RBM42: variants seen among roughly 807,000 people sequenced by gnomAD.
The protein encoded by RBM42 is RNA binding motif protein 42.
RBM42 carries 21 observed loss-of-function variants against 41.4 expected under a neutral mutation model. The ratio of observed to expected loss-of-function variants is 0.51; its 90% CI spans 0.36 to 0.73. RBM42 has a LOEUF of 0.73. Ranked by LOEUF, RBM42 falls within the 30% of genes least tolerant of loss-of-function variation. The pLI is 0.00. For missense variants in RBM42, 539 were observed against 680.4 expected (o/e 0.79, Z 2.31); for synonymous variants, 272 against 271.2 (o/e 1.00, Z -0.03).
In RBM42 at chr19:35,629,606, T is replaced by A. The variant is rs777270224; in HGVS notation, c.215T>A (p.Val72Glu). 18 of 1,614,036 alleles carry A rather than the reference T, an allele frequency of 1.1e-5. No individual in the cohort carries two copies. The African/African-American group carries it at 2.4e-4, about 22-fold the overall frequency. The change falls in exon 2 of 10, where the codon GTA becomes GAA. Residue 72 changes from valine to glutamate, a missense_variant. Val to Glu is a moderately radical substitution (Grantham distance 121, BLOSUM62 -2). This residue lies in a region of RBM42 where 429 missense variants were observed against 488.9 expected (regional missense o/e 0.88). Coordinates refer to ENST00000262633, the MANE Select transcript of RBM42 (RefSeq NM_024321.5). ...CCCACTGTCCCCACGGTCCCCACAGTAGAAGCGATGCAGGTCCCAGCGGCT... is the reference window on the plus strand; with the variant it reads ...CCCACTGTCCCCACGGTCCCCACAGAAGAAGCGATGCAGGTCCCAGCGGCT... ...AVPTVPTVPT[V>E]EAMQVPAAPV... is the part of the protein sequence containing the mutation.
rs1967431510 is a variant in RBM42, at chr19:35,633,003, TGAGGGGCCAG to T, written c.508+4_508+13del. The T allele has an allele frequency of 6.2e-7, 1 of 1,609,672 alleles. No individual in the cohort carries two copies. Among genetic ancestry groups the T allele is most frequent in the African/African-American group, 1.3e-5 (1 of 74,642 alleles). ...TCCCCCACGTGCTACAGAGAGCAGG[TGAGGGGCCAG>T]GGTCATCATCCCTGCCACATAACTC... On this transcript the variant is annotated splice_donor_5th_base_variant and intron_variant, in intron 5 of 9. Transcript: ENST00000262633.
At position 35,629,104 on chromosome 19, in the gene RBM42, G is replaced by A. The variant is rs1239114691; in HGVS notation, c.-50G>A. The A allele has an allele frequency of 1.3e-6, 2 of 1,482,354 alleles. No homozygotes were observed. Among genetic ancestry groups the A allele is most frequent in the African/African-American group, 1.4e-5 (1 of 69,672 alleles). The allele number at this position is 1,482,354 out of a possible 1,614,324, so 91.8% of individuals were successfully genotyped here. ...GGGAGAGTAGACAGCAGAACCAGCG[G>A]CGGCGGCTAAGCAGAGACTGTAGTA... On this transcript the variant is annotated 5_prime_UTR_variant, in exon 1 of 10. Transcript: ENST00000262633.
rs943694183 is a variant in RBM42 at position 35,637,398 on chromosome 19, C to T, written c.1331-44C>T. Reference sequence around the variant, plus strand: ...GAACTGCAGGCGCGGCAGGCGCTGGCCTAAGCCTGACCCGAGCCTGCCTTG... The same window carrying T: ...GAACTGCAGGCGCGGCAGGCGCTGGTCTAAGCCTGACCCGAGCCTGCCTTG... On this transcript the variant is annotated intron_variant, in intron 9 of 9. Coordinates refer to ENST00000262633, the MANE Select transcript of RBM42 (RefSeq NM_024321.5). The surrounding 1 kb of genome is among the most constrained non-coding windows in gnomAD (Gnocchi z 7.0). 1 of 1,613,058 alleles carries T rather than the reference C, an allele frequency of 6.2e-7. No homozygotes were observed. The highest frequency in any genetic ancestry group is 1.3e-5 in the African/African-American group (1 of 74,938).
At position 35,637,548 on chromosome 19, in the gene RBM42, G is replaced by A. The variant is rs141850540; in HGVS notation, c.1437G>A (p.Leu479=). ...KKQKEKKKLG[L]R is the part of the protein sequence containing the mutation. ...AGAAGGAAAAGAAGAAGCTGGGCCT[G>A]AGATAGGGTCTGTGGCCAGGCACCC... Residue 479 remains leucine, a synonymous_variant, in exon 10 of 10, where the codon CTG becomes CTA. Transcript: ENST00000262633. The surrounding 1 kb of genome is among the most constrained non-coding windows in gnomAD (Gnocchi z 7.0). 1 of 1,613,990 alleles carries A rather than the reference G, an allele frequency of 6.2e-7. No individual in the cohort carries two copies. The highest frequency in any genetic ancestry group is 1.7e-5 in the Admixed American group (1 of 60,022).
At position 35,632,919 on chromosome 19, in the gene RBM42, ATCTC is replaced by A. The variant is rs757968171; in HGVS notation, c.443-10_443-7del. The A allele has an allele frequency of 3.3e-6, 4 of 1,217,646 alleles. No homozygotes were observed. The highest frequency in any genetic ancestry group is 1.8e-5 in the Admixed American group (1 of 57,020). 75.4% of individuals were successfully genotyped at this position (1,217,646 alleles called of 1,614,324 possible). On this transcript the variant is annotated splice_polypyrimidine_tract_variant and intron_variant, in intron 4 of 9. Transcript: ENST00000262633. Reference sequence around the variant, plus strand: ...CCTGTCCCCCATGACACACACCCCCATCTCTCTCTCCCACAGCTGTGGCCCCCCA... The same window carrying A: ...CCTGTCCCCCATGACACACACCCCCATCTCTCCCACAGCTGTGGCCCCCCA...
chr19:35,633,727 G>C lies in RBM42; in HGVS notation c.725G>C (p.Gly242Ala). 8 of 1,486,772 alleles carry C rather than the reference G, an allele frequency of 5.4e-6. No homozygotes were observed. The highest frequency in any genetic ancestry group is 7.1e-6 in the Non-Finnish European group (8 of 1,124,312). The allele number at this position is 1,486,772 out of a possible 1,614,324, so 92.1% of individuals were successfully genotyped here. A position where few individuals can be genotyped will look rare whatever the true frequency, so the allele number is the denominator to read the frequency against. ...AAPRELGLGL[G>A]LGLKEKEEAV... ...CCCCGAGAGCTGGGCCTAGGCCTGG[G>C]GTTGGGCCTGAAAGAGAAGGAAGAG... is the stretch of plus-strand genomic sequence containing the variant. Residue 242 changes from glycine (G) to alanine (A), a missense_variant, in exon 7 of 10, where the codon GGG becomes GCG. This residue lies in a region of RBM42 where 429 missense variants were observed against 488.9 expected (regional missense o/e 0.88). Transcript: ENST00000262633.
In RBM42 at chr19:35,631,135, G is replaced by A. The variant is rs759970260; in HGVS notation, c.283-5G>A. 6.2e-6 allele frequency: 10 copies of A among 1,613,626 alleles called. No homozygotes were observed. The highest frequency in any genetic ancestry group is 2.2e-5 in the East Asian group (1 of 44,898). ...GGCCCCTCACCCTGACCTCTTCCTC[G>A]ACAGGTCCAGCAGACTCTGGAGGCC... On this transcript the variant is annotated splice_polypyrimidine_tract_variant and splice_region_variant and intron_variant, in intron 2 of 9. Transcript: ENST00000262633.
intron 2 of RBM42, 21 bp downstream of exon 2, chr19:35,629,694 G>T: frequency 1.2e-6 from 2 of 1,613,070 alleles, no homozygotes; most frequent in Non-Finnish European, 1.7e-6. Flanking sequence ...GCTAAGGCAT[G>T]TAAGTCAGGG....
chr19:35,629,724 A>G (rs1967371881), intron 2 of RBM42, 51 bp downstream of exon 2: 1 of 1,592,480 alleles, frequency 6.3e-7, no homozygotes, highest in African/African-American at 1.3e-5. Context: ...CCTCGAACAG[A>G]GTAGGTGTTT....
At position 35,633,807 on chromosome 19, in the gene RBM42, G is replaced by A. The variant is rs1297548541; in HGVS notation, c.805G>A (p.Gly269Arg). The change falls in exon 7 of 10, where the codon GGG (glycine) becomes AGG (arginine). Residue 269 changes from glycine to arginine, a missense_variant. Around this residue, in one of 2 missense-constraint regions of RBM42, gnomAD observed 429 missense variants for 488.9 expected, o/e 0.88. Coordinates refer to ENST00000262633, the MANE Select transcript of RBM42 (RefSeq NM_024321.5). ...GGAGGCTAGCGCGGCTGTGGCCGTG[G>A]GGGCAGGAGGTGCCCCAGCTGGCCC... is the stretch of plus-strand genomic sequence containing the variant. ...LEEASAAVAV[G>R]AGGAPAGPAV... is the part of the protein sequence containing the mutation. 2 of 1,500,854 alleles carry A rather than the reference G, an allele frequency of 1.3e-6. No individual in the cohort carries two copies. The highest frequency in any genetic ancestry group is 5.0e-5 in the East Asian group (2 of 40,180). 93.0% of individuals were successfully genotyped at this position (1,500,854 alleles called of 1,614,324 possible). A position where few individuals can be genotyped will look rare whatever the true frequency, so the allele number is the denominator to read the frequency against.
Position 35,637,514 on chromosome 19 carries a change from G to T in RBM42, c.1403G>T (p.Arg468Leu). The T allele has an allele frequency of 6.2e-7, 1 of 1,614,216 alleles. No homozygotes were observed. The highest frequency in any genetic ancestry group is 8.5e-7 in the Non-Finnish European group (1 of 1,180,026). The change falls in exon 10 of 10, where the codon CGC (arginine) becomes CTC (leucine). Residue 468 changes from arginine to leucine, a missense_variant. Around this residue, in one of 2 missense-constraint regions of RBM42, gnomAD observed 110 missense variants for 191.5 expected, o/e 0.57. Coordinates refer to ENST00000262633, the MANE Select transcript of RBM42 (RefSeq NM_024321.5). This position sits in a 1 kb window ranked among gnomAD's most constrained non-coding sequence, Gnocchi z 7.0. ...MWKDRNLDVV[R>L]KKQKEKKKLG... is the part of the protein sequence containing the mutation. ...AAGGACCGGAATCTGGACGTGGTCC[G>T]CAAGAAGCAGAAGGAAAAGAAGAAG...
chr19:35,629,158 C>T lies in RBM42; in HGVS notation c.5C>T (p.Ala2Val), dbSNP rs893338634. 11 of 1,521,024 alleles carry T rather than the reference C, an allele frequency of 7.2e-6. No individual in the cohort carries two copies. Among genetic ancestry groups the T allele is most frequent in the Non-Finnish European group, 7.9e-6 (9 of 1,138,806 alleles). The allele number at this position is 1,521,024 out of a possible 1,614,324, so 94.2% of individuals were successfully genotyped here. The change falls in exon 1 of 10, where the codon GCT becomes GTT. Residue 2 changes from alanine (A) to valine (V), a missense_variant. Ala to Val is a moderately conservative substitution (Grantham distance 64). Coordinates refer to ENST00000262633, the MANE Select transcript of RBM42 (RefSeq NM_024321.5). Reference protein sequence around the residue: MAGAGPAPGLPG... With the variant: MVGAGPAPGLPG... ...GCGACAGCGACGACGGCAGCGATGG[C>T]TGGGGCGGGGCCAGCCCCGGGACTC...
chr19:35,631,320 C>T lies in RBM42; in HGVS notation c.368-11C>T, dbSNP rs1291357271. The T allele has an allele frequency of 1.2e-6, 2 of 1,614,134 alleles. No individual in the cohort carries two copies. The highest frequency in any genetic ancestry group is 1.7e-5 in the Admixed American group (1 of 60,026). On this transcript the variant is annotated splice_polypyrimidine_tract_variant and intron_variant, in intron 3 of 9. Coordinates refer to ENST00000262633, the MANE Select transcript of RBM42 (RefSeq NM_024321.5). ...CTCCTCCCACCATCCTTGCCTCTCC[C>T]CTCCCAACAGTTGGCTTTGGCCCTG...
Position 35,629,296 on chromosome 19 carries a change from A to C in RBM42, c.128+15A>C. 6.6e-7 allele frequency: 1 copy of C among 1,513,668 alleles called. No homozygotes were observed. Among genetic ancestry groups the C allele is most frequent in the Non-Finnish European group, 8.8e-7 (1 of 1,133,372 alleles). 93.8% of individuals were successfully genotyped at this position (1,513,668 alleles called of 1,614,324 possible). ...GAGATGGCCCTGTAAGGCCCGCGACAGAGAGTGATAAAAGTCGTCCCAGAG... is the reference window on the plus strand; with the variant it reads ...GAGATGGCCCTGTAAGGCCCGCGACCGAGAGTGATAAAAGTCGTCCCAGAG... On this transcript the variant is annotated intron_variant, in intron 1 of 9. Transcript: ENST00000262633.
intron 7 of RBM42, 108 bp downstream of exon 7, chr19:35,634,127 G>GGC: frequency 6.6e-7 from 1 of 1,524,554 alleles, no homozygotes; most frequent in Non-Finnish European, 8.8e-7. Context: ...GGGGGAGGGA[G>GGC]GCGGACACAT....
intron 4 of RBM42, 143 bp downstream of exon 4, chr19:35,631,548 C>T: frequency 1.4e-6 from 1 of 727,400 alleles, no homozygotes; most frequent in East Asian, 2.7e-5. Flanking sequence ...CGAACCTGAT[C>T]ATGTCCTTTC....
At chr19:35,635,523 CTTTTTTTTTTTT>C (rs1426178422) in intron 8 of RBM42, among the ~76,000 whole-genome samples, 2 of 140,494 alleles carry the variant, frequency 1.4e-5, no homozygotes, top group African/African-American at 5.4e-5. Flanking sequence ...TTTTTTTTTT[CTTTTTTTTTTTT>C]GAAACGGAGT....
chr19:35,633,925 T>TCCTGCC lies in RBM42; in HGVS notation c.926_931dup (p.Leu309_Pro310dup). ...CTCCCGTTGGAGGTCGTCCGCGGCC[T>TCCTGCC]CCTGCCCCCGCTGCGCATTCCTGAA... On this transcript the variant is annotated inframe_insertion, in exon 7 of 10. Coordinates refer to ENST00000262633, the MANE Select transcript of RBM42 (RefSeq NM_024321.5). The TCCTGCC allele has an allele frequency of 6.3e-7, 1 of 1,587,424 alleles. No individual in the cohort carries two copies. Among genetic ancestry groups the TCCTGCC allele is most frequent in the South Asian group, 1.1e-5 (1 of 88,122 alleles).
chr19:35,637,477 A>G lies in RBM42; in HGVS notation c.1366A>G (p.Lys456Glu), dbSNP rs1158014514. ...YVGSRPIKLR[K>E]SMWKDRNLDV... Reference sequence around the variant, plus strand: ...GGGCTCGCGCCCCATCAAGCTTCGCAAGAGCATGTGGAAGGACCGGAATCT... The same window carrying G: ...GGGCTCGCGCCCCATCAAGCTTCGCGAGAGCATGTGGAAGGACCGGAATCT... Residue 456 changes from lysine to glutamate, a missense_variant, in exon 10 of 10, where the codon AAG becomes GAG. Coordinates refer to ENST00000262633, the MANE Select transcript of RBM42 (RefSeq NM_024321.5). The surrounding 1 kb of genome is among the most constrained non-coding windows in gnomAD (Gnocchi z 7.0). 6.2e-7 allele frequency: 1 copy of G among 1,614,230 alleles called. No homozygotes were observed. The highest frequency in any genetic ancestry group is 8.5e-7 in the Non-Finnish European group (1 of 1,180,032).
Sources: allele counts gnomAD v4.1 joint callset (sites outside exome capture counted in the v4.1 genomes callset), GRCh38; gene constraint gnomAD v4.1.1; regional missense constraint gnomAD v4.1.1; non-coding constraint Gnocchi (gnomAD v3.1); transcripts MANE v1.5; gene names NCBI Gene and HGNC (gene_info 2026-07-23, HGNC 2026-07-21).